Variants in AKAP12 observed in about 807,000 individuals in gnomAD.
AKAP12 encodes A-kinase anchor protein 12.
A neutral mutation model predicts 79.9 loss-of-function variants in AKAP12; 32 were observed. The ratio of observed to expected loss-of-function variants is 0.40; its 90% CI spans 0.30 to 0.54. AKAP12 has a LOEUF of 0.54. Among genes scored for constraint, AKAP12 ranks in the 20% least tolerant of loss-of-function variants. The pLI, the probability that AKAP12 is intolerant of heterozygous loss-of-function variation, is 0.48. For missense variants in AKAP12, 2,074 were observed against 2,177.0 expected (o/e 0.95, Z 0.94); for synonymous variants, 808 against 857.0 (o/e 0.94, Z 1.00).
At chr6:151,305,240 T>G (rs1468687965) in intron 2 of AKAP12, among the ~76,000 whole-genome samples, 1 of 152,106 alleles carries the variant, frequency 6.6e-6, no homozygotes, top group Non-Finnish European at 1.5e-5. Flanking sequence ...TTGTTCTATG[T>G]ATGCCTCCTT....
At chr6:151,259,347 A>G (rs1406817736) in intron 2 of AKAP12, among the ~76,000 whole-genome samples, 2 of 151,272 alleles carry the variant, frequency 1.3e-5, no homozygotes, top group African/African-American at 4.9e-5. Flanking sequence ...CGCCCGGCCT[A>G]TATTTTTTAA....
intron 2 of AKAP12, among the ~76,000 whole-genome samples, chr6:151,296,319 C>A (rs554922642): frequency 6.6e-6 from 1 of 152,314 alleles, no homozygotes; most frequent in East Asian, 1.9e-4. Flanking sequence ...AGCTCTGAAA[C>A]CCGATAAGCA....
At chr6:151,348,657 T>C in intron 3 of AKAP12, 54 bp from the exon 4 acceptor site, 1 of 1,246,866 alleles carries the variant, frequency 8.0e-7, no homozygotes, top group Non-Finnish European at 1.1e-6. Context: ...AATTTTCTTG[T>C]ATTGTAATCA....
At chr6:151,318,885 A>G (rs1007298190) in intron 3 of AKAP12, among the ~76,000 whole-genome samples, 17 of 152,146 alleles carry the variant, frequency 1.1e-4, no homozygotes, top group Admixed American at 4.6e-4. Flanking sequence ...TGAGGTTACA[A>G]TGAATCTCAC....
chr6:151,271,876 T>C (rs562021868), intron 2 of AKAP12, among the ~76,000 whole-genome samples: 70 of 151,656 alleles, frequency 4.6e-4, no homozygotes, highest in Admixed American at 1.2e-3. Context: ...GCCAGGTTGG[T>C]CTCGAACTCC....
intron 2 of AKAP12, among the ~76,000 whole-genome samples, chr6:151,249,156 T>A (rs4870003): frequency 0.61 from 92,671 of 151,882 alleles, 28,456 homozygotes; most frequent in Admixed American, 0.71. Flanking sequence ...TTATTTATCA[T>A]TTTAAAACTT....
chr6:151,316,193 G>A (rs1207884488), intron 3 of AKAP12, among the ~76,000 whole-genome samples: 1 of 152,136 alleles, frequency 6.6e-6, no homozygotes. Context: ...TTTTCAAATT[G>A]CTCTTTACTT....
intron 2 of AKAP12, among the ~76,000 whole-genome samples, chr6:151,247,750 G>A (rs1797103610): frequency 1.3e-5 from 2 of 152,138 alleles, no homozygotes; most frequent in African/African-American, 4.8e-5. Context: ...GGCTTACCCG[G>A]GATCCTCTCC....
At chr6:151,303,765 C>T (rs1032114097) in intron 2 of AKAP12, among the ~76,000 whole-genome samples, 5 of 152,204 alleles carry the variant, frequency 3.3e-5, no homozygotes, top group African/African-American at 1.2e-4. Flanking sequence ...GTAACAGGAC[C>T]TTCAAAGCAT....
rs768347603 is a variant in AKAP12 at position 151,350,877 on chromosome 6, A to C, written c.2486A>C (p.Glu829Ala). The C allele has an allele frequency of 1.1e-5, 18 of 1,614,052 alleles. No individual in the cohort carries two copies. The Admixed American group carries it at 3.0e-4, about 27-fold the overall frequency. ...PDGKQEQAPV[E>A]DAGPTGANED... ...GGGAAACAAGAACAAGCCCCTGTTG[A>C]AGACGCAGGGCCAACAGGGGCCAAC... The change falls in exon 4 of 5, where the codon GAA becomes GCA. Residue 829 changes from glutamate (E) to alanine (A), a missense_variant. Physicochemically the swap from Glu to Ala is moderately radical, Grantham distance 107. Coordinates refer to ENST00000402676, the MANE Select transcript of AKAP12 (RefSeq NM_005100.4). This position sits in a 1 kb window ranked among gnomAD's most constrained non-coding sequence, Gnocchi z 4.8.
At position 151,352,546 on chromosome 6, in the gene AKAP12, G is replaced by C; in HGVS notation, c.4155G>C (p.Gly1385=). ...LQTVNVPIID[G]AKEVSSLEGS... is the part of the protein sequence containing the mutation. ...CAGTGAATGTGCCCATCATAGATGG[G>C]GCAAAGGAAGTCAGCAGTTTGGAAG... Residue 1385 remains glycine (G), a synonymous_variant, in exon 4 of 5, where the codon GGG becomes GGC. Coordinates refer to ENST00000402676, the MANE Select transcript of AKAP12 (RefSeq NM_005100.4). 1 of 1,614,188 alleles carries C rather than the reference G, an allele frequency of 6.2e-7. No homozygotes were observed. The highest frequency in any genetic ancestry group is 8.5e-7 in the Non-Finnish European group (1 of 1,180,046).
At chr6:151,325,779 TGGCAGGCA>T in intron 3 of AKAP12, 1 of 1,610,622 alleles carries the variant, frequency 6.2e-7, no homozygotes, top group Non-Finnish European at 8.5e-7. Context: ...CACCTGCGGT[TGGCAGGCA>T]GGAGACTAGG....
intron 3 of AKAP12, among the ~76,000 whole-genome samples, chr6:151,306,195 T>C (rs1776974413): frequency 6.6e-6 from 1 of 152,218 alleles, no homozygotes; most frequent in South Asian, 2.1e-4. Flanking sequence ...ACAGAAGTCA[T>C]GGTTGCTTTA....
At chr6:151,272,320 G>A (rs1291000045) in intron 2 of AKAP12, among the ~76,000 whole-genome samples, 2 of 142,874 alleles carry the variant, frequency 1.4e-5, no homozygotes, top group Non-Finnish European at 3.0e-5. Flanking sequence ...ACTCCAGCCT[G>A]AGTGACACAG....
rs549538196 is a variant in AKAP12, at chr6:151,340,282, A to C, written c.320-8429A>C. On this transcript the variant is annotated intron_variant, in intron 3 of 4. Transcript: ENST00000402676. ...CTGAATAGTATTATGTTGTCTGGATATACCATACTTTATCCACTCACTTAT... is the reference window on the plus strand; with the variant it reads ...CTGAATAGTATTATGTTGTCTGGATCTACCATACTTTATCCACTCACTTAT... Among the ~76,000 whole-genome samples the C allele has an allele frequency of 2.1e-4, 31 of 148,400 alleles. No individual in the cohort carries two copies. In the South Asian group the frequency reaches 5.6e-3, roughly 27 times the overall value.
chr6:151,280,369 C>T (rs1426627456), intron 2 of AKAP12: 1 of 151,842 alleles, frequency 6.6e-6, no homozygotes, highest in Non-Finnish European at 1.5e-5. Flanking sequence ...GGACTAATTC[C>T]TGGATGAAAG....
At chr6:151,331,426 C>T in intron 3 of AKAP12, among the ~76,000 whole-genome samples, 1 of 152,086 alleles carries the variant, frequency 6.6e-6, no homozygotes, top group East Asian at 1.9e-4. Flanking sequence ...ATTTCACTTT[C>T]CACACTTATT....
At chr6:151,245,350 C>T (rs1344829223) in intron 2 of AKAP12, among the ~76,000 whole-genome samples, 2 of 151,762 alleles carry the variant, frequency 1.3e-5, no homozygotes, top group Middle Eastern at 3.2e-3. Context: ...TTCCTTGAAC[C>T]GAATTCTTTT....
At chr6:151,289,996 A>G (rs1486454093) in intron 2 of AKAP12, among the ~76,000 whole-genome samples, 1 of 152,144 alleles carries the variant, frequency 6.6e-6, no homozygotes, top group Non-Finnish European at 1.5e-5. Context: ...GTGTTTTGAT[A>G]CACTTTCGTG....
Sources: gnomAD v4.1 joint callset for allele counts (sites outside exome capture counted in the v4.1 genomes callset) on GRCh38, gnomAD v4.1.1 for gene constraint, Gnocchi (gnomAD v3.1) non-coding constraint, MANE v1.5 for transcripts, NCBI Gene and HGNC (gene_info 2026-07-23, HGNC 2026-07-21) for gene names.